TRPC4AP: variants seen among roughly 807,000 people sequenced by gnomAD.
The protein encoded by TRPC4AP is short transient receptor potential channel 4-associated protein.
Under a neutral mutation model 99.0 loss-of-function variants are expected in TRPC4AP, and 45 were observed. That is an observed-to-expected ratio of 0.45 (90% CI 0.36 to 0.58). The LOEUF (loss-of-function observed/expected upper bound fraction) is 0.58. Among genes scored for constraint, TRPC4AP ranks in the 20% least tolerant of loss-of-function variants. The probability of loss-of-function intolerance (pLI) is 0.00; values close to 1 mark genes in which losing one functional copy is unlikely to be tolerated. For synonymous variants in TRPC4AP, 408 were observed against 385.8 expected (o/e 1.06, Z -0.67); for missense variants, 879 against 985.3 (o/e 0.89, Z 1.44).
chr20:35,092,703 C>T lies in TRPC4AP; in HGVS notation c.79G>A (p.Gly27Arg). Reference sequence around the variant, plus strand: ...CCAGGCCGCGGCCGGCCGCCCCATCCGCCCCAAGCCGCCACTGTGGCTGCC... The same window carrying T: ...CCAGGCCGCGGCCGGCCGCCCCATCTGCCCCAAGCCGCCACTGTGGCTGCC... ...RSAATVAAWG[G>R]WGGRPRPGNI... Residue 27 changes from glycine (G) to arginine (R), a missense_variant, in exon 1 of 19, where the codon GGA (glycine) becomes AGA (arginine). This residue lies in a region of TRPC4AP where 603 missense variants were observed against 631.8 expected (regional missense o/e 0.95). Coordinates refer to ENST00000252015, the MANE Select transcript of TRPC4AP (RefSeq NM_015638.3). 3.2e-6 allele frequency: 5 copies of T among 1,549,614 alleles called. No homozygotes were observed. Among genetic ancestry groups the T allele is most frequent in the Non-Finnish European group, 4.3e-6 (5 of 1,158,784 alleles).
At chr20:35,034,983 AGTC>A in intron 8 of TRPC4AP, 137 bp downstream of exon 8, 1 of 840,006 alleles carries the variant, frequency 1.2e-6, no homozygotes, top group Admixed American at 3.1e-5. Context: ...GAGTCTTAAT[AGTC>A]ATGGTCTAGA....
chr20:35,025,826 G>T (rs1208783808), intron 8 of TRPC4AP, among the ~76,000 whole-genome samples: 1 of 152,190 alleles, frequency 6.6e-6, no homozygotes, highest in Non-Finnish European at 1.5e-5. Flanking sequence ...TGCTTCAGAT[G>T]TCATTGTGTA....
intron 11 of TRPC4AP, among the ~76,000 whole-genome samples, chr20:35,011,507 T>C (rs370553791): frequency 2.0e-5 from 3 of 152,186 alleles, no homozygotes; most frequent in African/African-American, 7.2e-5. Context: ...TGCAAGAGTA[T>C]TGAACTGTTT....
chr20:35,029,705 G>A (rs1228019678), intron 8 of TRPC4AP, among the ~76,000 whole-genome samples: 2 of 135,792 alleles, frequency 1.5e-5, no homozygotes, highest in Non-Finnish European at 3.1e-5. Flanking sequence ...GCGCGATCTC[G>A]GTTCACTGCA....
intron 3 of TRPC4AP, 63 bp from the exon 4 acceptor site, chr20:35,057,634 T>C: frequency 7.1e-7 from 1 of 1,409,912 alleles, no homozygotes; most frequent in Non-Finnish European, 9.9e-7. Flanking sequence ...AAAATGATTT[T>C]GCCATAACCA....
chr20:35,002,550 G>A lies in TRPC4AP; in HGVS notation c.*596C>T, dbSNP rs1199545706. The A allele has an allele frequency of 2.2e-5, 5 of 228,412 alleles. No individual in the cohort carries two copies. The highest frequency in any genetic ancestry group is 8.9e-5 in the East Asian group (1 of 11,202). 14.1% of individuals were successfully genotyped at this position (228,412 alleles called of 1,614,324 possible). ...GAGGCAGGGCAGGCACAGCTGCCCC[G>A]TGCCCCAAGGGATGGAGGGAAAGGC... is the stretch of plus-strand genomic sequence containing the variant. On this transcript the variant is annotated 3_prime_UTR_variant, in exon 19 of 19. Coordinates refer to ENST00000252015, the MANE Select transcript of TRPC4AP (RefSeq NM_015638.3).
intron 8 of TRPC4AP, among the ~76,000 whole-genome samples, chr20:35,029,828 G>C (rs1483280172): frequency 3.4e-5 from 5 of 147,634 alleles, no homozygotes. Context: ...AGTAGAGACG[G>C]GGTTTCACCA....
At position 35,085,100 on chromosome 20, in the gene TRPC4AP, T is replaced by A. The variant is rs201022117; in HGVS notation, c.169-6926A>T. Reference sequence around the variant, plus strand: ...TATTTAGAAATACTGGCTCTCCTGTTTCCTGGATCCTTCTCTTGCAAAAGA... The same window carrying A: ...TATTTAGAAATACTGGCTCTCCTGTATCCTGGATCCTTCTCTTGCAAAAGA... On this transcript the variant is annotated intron_variant, in intron 1 of 18. Coordinates refer to ENST00000252015, the MANE Select transcript of TRPC4AP (RefSeq NM_015638.3). Among the ~76,000 whole-genome samples the A allele has an allele frequency of 2.6e-5, 4 of 152,316 alleles. No individual in the cohort carries two copies. In the East Asian group the frequency reaches 7.7e-4, roughly 29 times the overall value.
At chr20:35,007,445 GA>G in intron 14 of TRPC4AP, 104 bp downstream of exon 14, 1 of 1,211,312 alleles carries the variant, frequency 8.3e-7, no homozygotes, top group Non-Finnish European at 1.2e-6. Context: ...GAAGTCACGA[GA>G]TCTGCTCTGC....
At chr20:35,051,007 A>G (rs778660735) in intron 5 of TRPC4AP, among the ~76,000 whole-genome samples, 17 of 150,654 alleles carry the variant, frequency 1.1e-4, no homozygotes, top group Non-Finnish European at 2.2e-4. Flanking sequence ...CTCTAAAAAG[A>G]AAGAAACTGC....
In TRPC4AP at chr20:35,004,553, C is replaced by T. The variant is rs772609835; in HGVS notation, c.1954G>A (p.Glu652Lys). Reference protein sequence around the residue: ...VDMKVAEVLSECRLLAYISQV... With the variant: ...VDMKVAEVLSKCRLLAYISQV... ...GATATGTAGGCGAGCAGGCGGCATT[C>T]AGACAGTACCTCGGCAACTGTGGAG... The change falls in exon 17 of 19, where the codon GAA becomes AAA. Residue 652 changes from glutamate (E) to lysine (K), a missense_variant. Physicochemically the swap from Glu to Lys is moderately conservative, Grantham distance 56. Transcript: ENST00000252015. 6.2e-7 allele frequency: 1 copy of T among 1,613,942 alleles called. No individual in the cohort carries two copies. The highest frequency in any genetic ancestry group is 8.5e-7 in the Non-Finnish European group (1 of 1,179,904).
intron 3 of TRPC4AP, among the ~76,000 whole-genome samples, chr20:35,068,984 A>AAAC (rs1555914266): frequency 0.076 from 10,584 of 139,460 alleles, 605 homozygotes; most frequent in African/African-American, 0.15. Context: ...CACACAAAAA[A>AAAC]AACAAAACAT....
chr20:35,086,114 G>A (rs925432377), intron 1 of TRPC4AP, among the ~76,000 whole-genome samples: 3 of 132,982 alleles, frequency 2.3e-5, no homozygotes, highest in Admixed American at 8.2e-5. Flanking sequence ...GCACCACCAC[G>A]CCCGGATAAT....
intron 4 of TRPC4AP, among the ~76,000 whole-genome samples, chr20:35,056,762 T>G (rs1029871950): frequency 6.6e-6 from 1 of 151,558 alleles, no homozygotes; most frequent in Non-Finnish European, 1.5e-5. Context: ...GGCAGATCAC[T>G]TGAGGTCAGG....
At chr20:35,029,233 A>G (rs2083106470) in intron 8 of TRPC4AP, among the ~76,000 whole-genome samples, 1 of 152,090 alleles carries the variant, frequency 6.6e-6, no homozygotes, top group African/African-American at 2.4e-5. Flanking sequence ...TGGGTGACAG[A>G]GTGAGACTCT....
chr20:35,035,407 TA>T, intron 7 of TRPC4AP, 99 bp from the exon 8 acceptor site: 3 of 1,241,564 alleles, frequency 2.4e-6, no homozygotes, highest in Non-Finnish European at 3.3e-6. Context: ...GAATAATTCT[TA>T]CTCTGATAGT....
chr20:35,004,617 G>C (rs2082478893), intron 16 of TRPC4AP, 47 bp from the exon 17 acceptor site: 4 of 1,555,388 alleles, frequency 2.6e-6, no homozygotes, highest in African/African-American at 1.4e-5. Context: ...AGGCCCAGTG[G>C]CTGGGTCGCC....
At position 35,078,220 on chromosome 20, in the gene TRPC4AP, T is replaced by C. The variant is rs780988777; in HGVS notation, c.169-46A>G. 3.2e-6 allele frequency: 5 copies of C among 1,587,204 alleles called. No homozygotes were observed. The Admixed American group carries it at 8.4e-5, about 27-fold the overall frequency. On this transcript the variant is annotated intron_variant, in intron 1 of 18. Coordinates refer to ENST00000252015, the MANE Select transcript of TRPC4AP (RefSeq NM_015638.3). The stretch of plus-strand genomic sequence containing the variant: ...GAACATATTATTGTATTATTGATGA[T>C]AATAGCTGATACGGCAAAGGAGAGC...
rs35372826 is a variant in TRPC4AP, at chr20:35,029,628, CTTTTTTT to C, written c.1051+5488_1051+5494del. On this transcript the variant is annotated intron_variant, in intron 8 of 18. Transcript: ENST00000252015. ...TTTACTATATTTCCCAAGTTACTTTCTTTTTTTTTTTTTTTTTTTTTTTTTGAGACAG... is the reference window on the plus strand; with the variant it reads ...TTTACTATATTTCCCAAGTTACTTTCTTTTTTTTTTTTTTTTTTGAGACAG... Among the ~76,000 whole-genome samples the C allele has an allele frequency of 1.0e-4, 4 of 39,392 alleles. No individual in the cohort carries two copies. The East Asian group carries it at 2.5e-3, about 24-fold the overall frequency. 25.8% of individuals were successfully genotyped at this position (39,392 alleles called of 152,430 possible). A position where few individuals can be genotyped will look rare whatever the true frequency, so the allele number is the denominator to read the frequency against.
Sources: allele counts gnomAD v4.1 joint callset (sites outside exome capture counted in the v4.1 genomes callset), GRCh38; gene constraint gnomAD v4.1.1; regional missense constraint gnomAD v4.1.1; transcripts MANE v1.5; gene names NCBI Gene and HGNC (gene_info 2026-07-23, HGNC 2026-07-21).